The following EYA4 variants were observed in gnomAD, a reference collection of about 807,000 sequenced individuals.
EYA4 encodes the protein EYA transcriptional coactivator and phosphatase 4.
EYA4 carries 31 observed loss-of-function variants against 87.9 expected under a neutral mutation model. The ratio of observed to expected loss-of-function variants is 0.35; its 90% CI spans 0.27 to 0.48. The LOEUF is 0.48. EYA4 is among the 20% of genes least tolerant of loss of function. EYA4 has a pLI of 0.99. For missense variants in EYA4, 678 were observed against 761.4 expected, an observed-to-expected ratio of 0.89 and a Z score of 1.29; for synonymous variants, 263 against 270.6, an observed-to-expected ratio of 0.97 and a Z score of 0.28.
chr6:133,513,832 A>T (rs1176039292), intron 16 of EYA4, among the ~76,000 whole-genome samples: 1 of 152,048 alleles, frequency 6.6e-6, no homozygotes, highest in African/African-American at 2.4e-5. Flanking sequence ...TTTTTTTCTA[A>T]AAAGGAAGAG....
intron 11 of EYA4, among the ~76,000 whole-genome samples, chr6:133,475,856 G>T (rs1795678687): frequency 6.6e-6 from 1 of 152,130 alleles, no homozygotes; most frequent in Admixed American, 6.6e-5. Context: ...AGGAATAGAG[G>T]TCAGTACAAT....
intron 2 of EYA4, 34 bp downstream of exon 2, chr6:133,274,847 T>C (rs761938713): frequency 1.5e-5 from 23 of 1,570,464 alleles, no homozygotes; most frequent in Non-Finnish European, 1.8e-5. Flanking sequence ...CTGAAAAAAG[T>C]TGCGATAACA....
chr6:133,413,629 T>C (rs183224124), intron 3 of EYA4, among the ~76,000 whole-genome samples: 1 of 152,318 alleles, frequency 6.6e-6, no homozygotes, highest in Non-Finnish European at 1.5e-5. Context: ...CAATGTTGCT[T>C]CCCAGTGTTC....
intron 1 of EYA4, among the ~76,000 whole-genome samples, chr6:133,244,502 A>G (rs1202822773): frequency 6.6e-6 from 1 of 152,024 alleles, no homozygotes; most frequent in Non-Finnish European, 1.5e-5. Context: ...GCTGAATTTC[A>G]GAGGGTTTCT....
chr6:133,432,776 CG>C (rs1336247828), intron 3 of EYA4, among the ~76,000 whole-genome samples: 5 of 152,094 alleles, frequency 3.3e-5, no homozygotes, highest in South Asian at 4.2e-4. Flanking sequence ...TCTGATCCCT[CG>C]TGGCAGGTGC....
At chr6:133,292,869 A>T (rs1685947893) in intron 2 of EYA4, among the ~76,000 whole-genome samples, 1 of 152,184 alleles carries the variant, frequency 6.6e-6, no homozygotes. Flanking sequence ...GCAAGTAGAG[A>T]TCACACAGTC....
chr6:133,501,011 TC>T (rs1479568468), intron 13 of EYA4, among the ~76,000 whole-genome samples: 2 of 152,132 alleles, frequency 1.3e-5, no homozygotes, highest in Non-Finnish European at 2.9e-5. Flanking sequence ...AATCCTTGTT[TC>T]CTTTCCCTTC....
chr6:133,474,810 C>G, intron 11 of EYA4, among the ~76,000 whole-genome samples: 1 of 152,048 alleles, frequency 6.6e-6, no homozygotes, highest in East Asian at 1.9e-4. Context: ...AAAGTATTTC[C>G]CATTGACTGG....
intron 3 of EYA4, among the ~76,000 whole-genome samples, chr6:133,391,216 G>GTTTTTTTTTT (rs1171912624): frequency 4.4e-5 from 3 of 68,954 alleles, no homozygotes; most frequent in Admixed American, 1.4e-4. Context: ...TTTGGGTTTT[G>GTTTTTTTTTT]TTTTTGTTTT....
chr6:133,330,067 A>G, intron 2 of EYA4, among the ~76,000 whole-genome samples: 1 of 152,060 alleles, frequency 6.6e-6, no homozygotes, highest in East Asian at 1.9e-4. Context: ...AAGAAAAGGA[A>G]TGGAAGGTCT....
intron 8 of EYA4, 66 bp from the exon 9 acceptor site, chr6:133,462,555 G>A (rs1029063280): frequency 1.9e-6 from 3 of 1,612,302 alleles, no homozygotes; most frequent in Non-Finnish European, 2.5e-6. Flanking sequence ...TTCTATTGTA[G>A]GTTACAACTT....
At chr6:133,439,796 C>T (rs1792084872) in intron 3 of EYA4, among the ~76,000 whole-genome samples, 1 of 152,152 alleles carries the variant, frequency 6.6e-6, no homozygotes, top group Non-Finnish European at 1.5e-5. Context: ...GCTCAAAGCC[C>T]CCACCAGGAA....
intron 3 of EYA4, among the ~76,000 whole-genome samples, chr6:133,384,082 C>T (rs1786491456): frequency 6.6e-6 from 1 of 152,110 alleles, no homozygotes; most frequent in Admixed American, 6.5e-5. Context: ...AATTTTTTAG[C>T]TTTGAGGCTA....
Position 133,353,282 on chromosome 6 carries a change from T to A in EYA4, c.34-29110T>A, listed in dbSNP as rs942388176. On this transcript the variant is annotated intron_variant, in intron 2 of 19. Coordinates refer to ENST00000355286, the MANE Select transcript of EYA4 (RefSeq NM_004100.5). ...CCAGAGAACAGCATTGGCATGTGAGTATGCCTGTGCTTCCATGCTGTGTAT... is the reference window on the plus strand; with the variant it reads ...CCAGAGAACAGCATTGGCATGTGAGAATGCCTGTGCTTCCATGCTGTGTAT... 1.4e-4 allele frequency among the ~76,000 whole-genome samples: 21 copies of A among 152,236 alleles called. No individual in the cohort carries two copies. In the South Asian group the frequency reaches 4.4e-3, roughly 32 times the overall value.
intron 1 of EYA4, among the ~76,000 whole-genome samples, chr6:133,273,728 T>A (rs1302782609): frequency 6.6e-6 from 1 of 152,192 alleles, no homozygotes; most frequent in Non-Finnish European, 1.5e-5. Context: ...TTAAATTACA[T>A]TTCATTGTGA....
At chr6:133,280,647 G>A (rs6941113) in intron 2 of EYA4, among the ~76,000 whole-genome samples, 41,613 of 151,930 alleles carry the variant, frequency 0.27, 6,375 homozygotes, top group East Asian at 0.49. Flanking sequence ...CTGCCTCGTT[G>A]GCCTCCCAAA....
At chr6:133,266,643 A>G (rs1056509139) in intron 1 of EYA4, among the ~76,000 whole-genome samples, 3 of 152,146 alleles carry the variant, frequency 2.0e-5, no homozygotes, top group Non-Finnish European at 4.4e-5. Context: ...TCAATGTTGT[A>G]TTTTCTGAAA....
chr6:133,357,203 G>A (rs1296759295), intron 2 of EYA4, among the ~76,000 whole-genome samples: 2 of 145,946 alleles, frequency 1.4e-5, no homozygotes, highest in Admixed American at 6.9e-5. Flanking sequence ...CCCGGGAGGC[G>A]GAGCTTGCAG....
At chr6:133,349,200 G>A (rs1783446324) in intron 2 of EYA4, among the ~76,000 whole-genome samples, 1 of 152,162 alleles carries the variant, frequency 6.6e-6, no homozygotes, top group South Asian at 2.1e-4. Flanking sequence ...TTTGAATAAA[G>A]CTTTCCCTGA....
Sources: gnomAD v4.1 joint callset for allele counts (sites outside exome capture counted in the v4.1 genomes callset) on GRCh38, gnomAD v4.1.1 for gene constraint, MANE v1.5 for transcripts, NCBI Gene and HGNC (gene_info 2026-07-23, HGNC 2026-07-21) for gene names.